The following PAX2 variants were observed in gnomAD, a reference collection of about 807,000 sequenced individuals.
PAX2 encodes the protein paired box 2, also known as paired box protein Pax-2.
In PAX2, 9 loss-of-function variants were observed where a neutral mutation model predicts 41.7. The observed-to-expected ratio is 0.22, with a 90% CI of 0.13 to 0.38. PAX2 has a LOEUF of 0.38. Among genes scored for constraint, PAX2 ranks in the 10% least tolerant of loss-of-function variants. The pLI, the probability that PAX2 is intolerant of heterozygous loss-of-function variation, is 1.00. For missense variants in PAX2, 418 were observed against 531.6 expected (o/e 0.79, Z 2.10); for synonymous variants, 221 against 212.7 (o/e 1.04, Z -0.34).
At chr10:100,764,057 TAATAATC>T (rs1845927582) in intron 3 of PAX2, among the ~76,000 whole-genome samples, 1 of 152,148 alleles carries the variant, frequency 6.6e-6, no homozygotes, top group Non-Finnish European at 1.5e-5. Flanking sequence ...ATTGCAGTAG[TAATAATC>T]AAGTCTGTAT....
chr10:100,781,707 C>A (rs1164361771), intron 5 of PAX2, among the ~76,000 whole-genome samples: 1 of 152,194 alleles, frequency 6.6e-6, no homozygotes, highest in Non-Finnish European at 1.5e-5. Context: ...GGATGAAAGG[C>A]CAACCTACCT....
chr10:100,740,171 A>G (rs1246677516), intron 1 of PAX2, among the ~76,000 whole-genome samples: 1 of 152,182 alleles, frequency 6.6e-6, no homozygotes, highest in Admixed American at 6.5e-5. Flanking sequence ...TTCCTTCCCT[A>G]GGTCTCCGCC....
At position 100,827,035 on chromosome 10, in the gene PAX2, A is replaced by G. The variant is rs1192203729; in HGVS notation, c.1048A>G (p.Ser350Gly). 6.2e-7 allele frequency: 1 copy of G among 1,613,590 alleles called. No individual in the cohort carries two copies. The highest frequency in any genetic ancestry group is 1.3e-5 in the African/African-American group (1 of 75,016). ...GAGCGAGTTCTCCGGCAACCCGTAC[A>G]GCCACCCCCAGTACACGGCCTACAA... ...PGSEFSGNPY[S>G]HPQYTAYNEA... The change falls in exon 9 of 10, where the codon AGC becomes GGC. Residue 350 changes from serine to glycine, a missense_variant. Around this residue, in one of 2 missense-constraint regions of PAX2, gnomAD observed 310 missense variants for 325.2 expected, o/e 0.95. Coordinates refer to ENST00000355243, the MANE Select transcript of PAX2 (RefSeq NM_000278.5). This position sits in a 1 kb window ranked among gnomAD's most constrained non-coding sequence, Gnocchi z 8.5.
chr10:100,747,962 G>A, intron 1 of PAX2: 1 of 983,168 alleles, frequency 1.0e-6, no homozygotes, highest in Non-Finnish European at 1.2e-6. Flanking sequence ...GTTTCTGCAC[G>A]GCCAAGCAGA....
rs765212214 is a variant in PAX2 at position 100,749,753 on chromosome 10, C to T, written c.51C>T (p.His17=). The T allele has an allele frequency of 3.1e-5, 50 of 1,610,098 alleles. No individual in the cohort carries two copies. The highest frequency in any genetic ancestry group is 3.8e-5 in the Non-Finnish European group (45 of 1,177,680). The stretch of plus-strand genomic sequence containing the variant: ...TTTCTTGTCTCTCCCCAGCAGGGCA[C>T]GGGGGTGTGAACCAGCTCGGGGGGG... ...ADPFSAMHPG[H]GGVNQLGGVF... The change falls in exon 2 of 10, where the codon CAC becomes CAT. Residue 17 remains histidine, a synonymous_variant. Coordinates refer to ENST00000355243, the MANE Select transcript of PAX2 (RefSeq NM_000278.5).
intron 5 of PAX2, among the ~76,000 whole-genome samples, chr10:100,794,973 C>A (rs1215195329): frequency 6.6e-6 from 1 of 152,134 alleles, no homozygotes; most frequent in Non-Finnish European, 1.5e-5. Flanking sequence ...TCTTCTATAT[C>A]ATCATCCAAC....
In PAX2 at chr10:100,746,220, C is replaced by A. The variant is rs547133663; in HGVS notation, c.-41C>A. 60 of 1,611,414 alleles carry A rather than the reference C, an allele frequency of 3.7e-5. 2 individuals are homozygous for A. The highest frequency in any genetic ancestry group is 3.1e-4 in the African/African-American group (23 of 74,978). ...CTGAAGTTGAGTTTGAGAGGCGACA[C>A]GGCGGCGGCGGCCGCGCTGCTCCCG... On this transcript the variant is annotated 5_prime_UTR_variant, in exon 1 of 10. Transcript: ENST00000355243.
chr10:100,746,099 G>A lies in PAX2; in HGVS notation c.-162G>A. 2 of 1,545,724 alleles carry A rather than the reference G, an allele frequency of 1.3e-6. No individual in the cohort carries two copies. The highest frequency in any genetic ancestry group is 1.7e-6 in the Non-Finnish European group (2 of 1,151,800). ...CAACCCGGAGGAGCCCCAGCGGGGA[G>A]CGCAGTGCTGCGCCCCCCGCCCCCG... On this transcript the variant is annotated 5_prime_UTR_variant, in exon 1 of 10. Coordinates refer to ENST00000355243, the MANE Select transcript of PAX2 (RefSeq NM_000278.5).
chr10:100,745,225 T>C (rs1845105683), upstream of PAX2, among the ~76,000 whole-genome samples: 1 of 152,204 alleles, frequency 6.6e-6, no homozygotes, highest in African/African-American at 2.4e-5. Context: ...GACCGCTCTT[T>C]ATCCTTATCT....
At chr10:100,735,855 C>A (rs1844765953) in intron 1 of PAX2, 2 of 635,044 alleles carry the variant, frequency 3.1e-6, no homozygotes, top group East Asian at 7.6e-5. Flanking sequence ...CGGCGGGCGA[C>A]GTGAAGGCTG....
At chr10:100,799,249 C>T (rs1454181027) in intron 5 of PAX2, among the ~76,000 whole-genome samples, 5 of 152,208 alleles carry the variant, frequency 3.3e-5, no homozygotes, top group Admixed American at 2.6e-4. Context: ...CCCACCTCCA[C>T]GCTTTTCTCT....
At chr10:100,766,009 G>C (rs1846015818) in intron 3 of PAX2, among the ~76,000 whole-genome samples, 1 of 152,252 alleles carries the variant, frequency 6.6e-6, no homozygotes, top group Middle Eastern at 3.4e-3. Context: ...TGCATTAATT[G>C]ATTTAAGCAT....
intron 5 of PAX2, among the ~76,000 whole-genome samples, chr10:100,793,435 G>C (rs1000893430): frequency 6.6e-6 from 1 of 152,118 alleles, no homozygotes; most frequent in Admixed American, 6.5e-5. Flanking sequence ...CCTCCTTGTC[G>C]GTACCCACTC....
upstream of PAX2, among the ~76,000 whole-genome samples, chr10:100,742,903 C>A (rs545975159): frequency 7.3e-5 from 9 of 123,140 alleles, no homozygotes; most frequent in South Asian, 2.2e-3. Flanking sequence ...TTCCCCCCAC[C>A]CCTCTACTAG....
At chr10:100,772,216 G>T (rs1393904616) in intron 3 of PAX2, among the ~76,000 whole-genome samples, 2 of 152,178 alleles carry the variant, frequency 1.3e-5, no homozygotes, top group African/African-American at 2.4e-5. Flanking sequence ...ACCGACTCCA[G>T]TCGTGGGTTC....
chr10:100,748,010 C>T lies in PAX2; in HGVS notation c.43+1707C>T. On this transcript the variant is annotated intron_variant, in intron 1 of 9. Coordinates refer to ENST00000355243, the MANE Select transcript of PAX2 (RefSeq NM_000278.5). The surrounding 1 kb of genome is among the most constrained non-coding windows in gnomAD (Gnocchi z 5.0). ...AGAGCCGCAGCGCGGGCCCGCGGGCCGGTGGACTGGTGGGTGAGACACCGC... is the reference window on the plus strand; with the variant it reads ...AGAGCCGCAGCGCGGGCCCGCGGGCTGGTGGACTGGTGGGTGAGACACCGC... 2.0e-6 allele frequency: 2 copies of T among 984,728 alleles called. No homozygotes were observed. Among genetic ancestry groups the T allele is most frequent in the Non-Finnish European group, 2.4e-6 (2 of 829,872 alleles). 61.0% of individuals were successfully genotyped at this position (984,728 alleles called of 1,614,324 possible).
intron 7 of PAX2, among the ~76,000 whole-genome samples, chr10:100,819,405 C>G (rs1334695016): frequency 1.3e-5 from 2 of 151,918 alleles, no homozygotes; most frequent in Non-Finnish European, 2.9e-5. Flanking sequence ...CCCGTCTCTA[C>G]TAAAAAATAT....
upstream of PAX2, among the ~76,000 whole-genome samples, chr10:100,741,763 C>G (rs11190677): frequency 0.39 from 58,683 of 152,206 alleles, 13,209 homozygotes; most frequent in East Asian, 0.96. Flanking sequence ...TCTCTCCCCT[C>G]CCTTTCTGCT....
At chr10:100,813,861 CA>C (rs1031916020) in intron 7 of PAX2, among the ~76,000 whole-genome samples, 8 of 152,164 alleles carry the variant, frequency 5.3e-5, no homozygotes, top group Admixed American at 5.2e-4. Flanking sequence ...ATGGGACTCC[CA>C]CAGGGGGAAG....
Sources: gnomAD v4.1 joint callset for allele counts (sites outside exome capture counted in the v4.1 genomes callset) on GRCh38, gnomAD v4.1.1 for gene constraint, gnomAD v4.1.1 regional missense constraint, Gnocchi (gnomAD v3.1) non-coding constraint, MANE v1.5 for transcripts, NCBI Gene and HGNC (gene_info 2026-07-23, HGNC 2026-07-21) for gene names.